The following EFNA5 variants were observed in gnomAD, a reference collection of about 807,000 sequenced individuals.
EFNA5 encodes ephrin A5, also known as ephrin-A5.
EFNA5 carries 5 observed loss-of-function variants against 22.9 expected under a neutral mutation model. The ratio of observed to expected loss-of-function variants is 0.22; its 90% CI spans 0.11 to 0.46. EFNA5 has a LOEUF of 0.46. Ranked by LOEUF, EFNA5 falls within the 20% of genes least tolerant of loss-of-function variation. EFNA5 has a pLI of 0.99. For synonymous variants in EFNA5, 113 were observed against 112.2 expected (o/e 1.01, Z -0.04); for missense variants, 237 against 293.3 (o/e 0.81, Z 1.40).
At chr5:107,444,748 G>C (rs1486836641) in intron 1 of EFNA5, among the ~76,000 whole-genome samples, 1 of 152,142 alleles carries the variant, frequency 6.6e-6, no homozygotes, top group African/African-American at 2.4e-5. Context: ...GTCAAACTTA[G>C]AAGTAAAATT....
In EFNA5 at chr5:107,379,234, C is replaced by T. The variant is rs1747366111; in HGVS notation, c.*2021G>A. ...AGAACAGACTCGGCAGTGACATCCACTCCAAATGGATCAGGTAAGCCCAGA... is the reference window on the plus strand; with the variant it reads ...AGAACAGACTCGGCAGTGACATCCATTCCAAATGGATCAGGTAAGCCCAGA... On this transcript the variant is annotated 3_prime_UTR_variant, in exon 5 of 5. Coordinates refer to ENST00000333274, the MANE Select transcript of EFNA5 (RefSeq NM_001962.3). 6.6e-6 allele frequency: 1 copy of T among 152,132 alleles called. No homozygotes were observed. Among genetic ancestry groups the T allele is most frequent in the African/African-American group, 2.4e-5 (1 of 41,428 alleles). 9.4% of individuals were successfully genotyped at this position (152,132 alleles called of 1,614,324 possible). A position where few individuals can be genotyped will look rare whatever the true frequency, so the allele number is the denominator to read the frequency against.
At chr5:107,566,660 T>TA (rs1209089035) in intron 1 of EFNA5, among the ~76,000 whole-genome samples, 2 of 152,118 alleles carry the variant, frequency 1.3e-5, no homozygotes, top group South Asian at 2.1e-4. Context: ...ATCACACACT[T>TA]AAAAAAAGAC....
chr5:107,657,839 TAC>T lies in EFNA5; in HGVS notation c.125+12648_125+12649del, dbSNP rs528332338. On this transcript the variant is annotated intron_variant, in intron 1 of 4. Coordinates refer to ENST00000333274, the MANE Select transcript of EFNA5 (RefSeq NM_001962.3). ...TTAGATTAGTAATATTGTATTTATA[TAC>T]ACAGAGTGAAGATCAGTAAAAACAA... is the stretch of plus-strand genomic sequence containing the variant. Among the ~76,000 whole-genome samples the T allele has an allele frequency of 2.5e-3, 382 of 152,218 alleles. 4 individuals are homozygous for T. Among genetic ancestry groups the T allele is most frequent in the African/African-American group, 9.0e-3 (374 of 41,540 alleles).
intron 1 of EFNA5, among the ~76,000 whole-genome samples, chr5:107,643,612 G>A (rs1745043987): frequency 6.6e-6 from 1 of 151,848 alleles, no homozygotes; most frequent in African/African-American, 2.4e-5. Context: ...ACCCCGAAGG[G>A]AAGTAATCCC....
intron 1 of EFNA5, among the ~76,000 whole-genome samples, chr5:107,479,930 G>A (rs1404188693): frequency 6.6e-6 from 1 of 151,958 alleles, no homozygotes; most frequent in East Asian, 1.9e-4. Context: ...AACTAAAAAA[G>A]GAAAGAAGAT....
At chr5:107,405,665 G>C (rs752393816) in intron 2 of EFNA5, among the ~76,000 whole-genome samples, 6 of 151,960 alleles carry the variant, frequency 3.9e-5, no homozygotes, top group Non-Finnish European at 7.4e-5. Context: ...GGGGCAAATG[G>C]GCAACAGTCC....
chr5:107,476,165 C>A (rs1196817460), intron 1 of EFNA5, among the ~76,000 whole-genome samples: 1 of 148,424 alleles, frequency 6.7e-6, no homozygotes. Flanking sequence ...AATTCTCCTG[C>A]CTCAGCCTCC....
chr5:107,393,165 A>T (rs567357120), intron 2 of EFNA5, among the ~76,000 whole-genome samples: 1 of 152,352 alleles, frequency 6.6e-6, no homozygotes, highest in Admixed American at 6.5e-5. Flanking sequence ...TAGAATGGAA[A>T]GGTGGTCTTT....
In EFNA5 at chr5:107,670,601, C is replaced by G. The variant is rs1751172798; in HGVS notation, c.13G>C (p.Glu5Gln). Residue 5 changes from glutamate to glutamine, a missense_variant, in exon 1 of 5, where the codon GAG becomes CAG. Glu to Gln is a conservative substitution (Grantham distance 29, BLOSUM62 2). Coordinates refer to ENST00000333274, the MANE Select transcript of EFNA5 (RefSeq NM_001962.3). MLHV[E>Q]MLTLVFLVLW... ...ACCAGAAACACCAGCGTCAACATCT[C>G]CACGTGCAACATCACGCCTGGCCAG... is the stretch of plus-strand genomic sequence containing the variant. 3 of 1,603,518 alleles carry G rather than the reference C, an allele frequency of 1.9e-6. No individual in the cohort carries two copies. The highest frequency in any genetic ancestry group is 1.1e-5 in the South Asian group (1 of 88,676).
At chr5:107,645,780 T>C (rs935319956) in intron 1 of EFNA5, among the ~76,000 whole-genome samples, 1 of 152,234 alleles carries the variant, frequency 6.6e-6, no homozygotes, top group African/African-American at 2.4e-5. Flanking sequence ...AAAAGACTTA[T>C]TCTAAACCTT....
At chr5:107,400,829 T>C (rs1003100544) in intron 2 of EFNA5, among the ~76,000 whole-genome samples, 1 of 152,228 alleles carries the variant, frequency 6.6e-6, no homozygotes, top group Non-Finnish European at 1.5e-5. Flanking sequence ...TTATATTTCC[T>C]CTTGCTAATG....
intron 1 of EFNA5, among the ~76,000 whole-genome samples, chr5:107,540,375 C>T (rs1748019265): frequency 6.6e-6 from 1 of 152,056 alleles, no homozygotes; most frequent in Non-Finnish European, 1.5e-5. Flanking sequence ...TAAAAAGAAT[C>T]CCATTTATTC....
At chr5:107,509,209 A>G (rs57022157) in intron 1 of EFNA5, among the ~76,000 whole-genome samples, 1,822 of 152,306 alleles carry the variant, frequency 0.012, 28 homozygotes, top group African/African-American at 0.039. Flanking sequence ...ATAAGAGCAG[A>G]TGTCTTTAGA....
At chr5:107,629,199 C>T (rs906722143) in intron 1 of EFNA5, among the ~76,000 whole-genome samples, 3 of 151,718 alleles carry the variant, frequency 2.0e-5, no homozygotes, top group Non-Finnish European at 4.4e-5. Flanking sequence ...TTCATCAAAC[C>T]CAATTTAAAG....
At chr5:107,418,391 T>G (rs1220619629) in intron 2 of EFNA5, among the ~76,000 whole-genome samples, 3 of 152,226 alleles carry the variant, frequency 2.0e-5, no homozygotes, top group Admixed American at 2.0e-4. Flanking sequence ...TGCTTCCCTG[T>G]GAAATTACAC....
chr5:107,594,062 A>G (rs560346009), intron 1 of EFNA5, among the ~76,000 whole-genome samples: 1 of 152,326 alleles, frequency 6.6e-6, no homozygotes, highest in Non-Finnish European at 1.5e-5. Context: ...GGCTCTTCAA[A>G]TAATTAAACT....
chr5:107,515,122 C>G (rs1424826885), intron 1 of EFNA5, among the ~76,000 whole-genome samples: 1 of 152,122 alleles, frequency 6.6e-6, no homozygotes, highest in African/African-American at 2.4e-5. Flanking sequence ...GTAACCTCCG[C>G]CTTCTGGGTT....
rs111924220 is a variant in EFNA5, at chr5:107,507,031, G to C, written c.126-79522C>G. Among the ~76,000 whole-genome samples, 1,043 of 152,256 alleles carry C rather than the reference G, an allele frequency of 6.9e-3. 12 individuals are homozygous for C. Among genetic ancestry groups the C allele is most frequent in the African/African-American group, 0.022 (922 of 41,552 alleles). ...AAAATGAAATACAGAATATGGATTA[G>C]AGAAGTAACATAAAATGATCAAAAG... On this transcript the variant is annotated intron_variant, in intron 1 of 4. Transcript: ENST00000333274.
chr5:107,404,577 T>A (rs563000424), intron 2 of EFNA5, among the ~76,000 whole-genome samples: 1 of 152,300 alleles, frequency 6.6e-6, no homozygotes, highest in Admixed American at 6.5e-5. Flanking sequence ...CAGGTATTAT[T>A]ATCCTCATTT....
Sources: allele counts gnomAD v4.1 joint callset (sites outside exome capture counted in the v4.1 genomes callset), GRCh38; gene constraint gnomAD v4.1.1; transcripts MANE v1.5; gene names NCBI Gene and HGNC (gene_info 2026-07-23, HGNC 2026-07-21).